PABPC4L: variants seen among roughly 807,000 people sequenced by gnomAD.
The protein encoded by PABPC4L is poly(A) binding protein cytoplasmic 4 like, also known as polyadenylate-binding protein 4-like.
For synonymous variants in PABPC4L, 169 were observed against 164.1 expected, an observed-to-expected ratio of 1.03 and a Z score of -0.23; for missense variants, 452 against 451.4, an observed-to-expected ratio of 1.00 and a Z score of -0.01.
the PABPC4L span, among the ~76,000 whole-genome samples, chr4:134,032,294 T>C: frequency 3.3e-5 from 5 of 152,034 alleles, no homozygotes; most frequent in Admixed American, 6.6e-5. Flanking sequence ...AATTTAGTTA[T>C]AGTATACATT....
the PABPC4L span, among the ~76,000 whole-genome samples, chr4:134,173,696 TAA>T: frequency 2.0e-5 from 3 of 152,016 alleles, no homozygotes; most frequent in Admixed American, 6.6e-5. Context: ...TCAAAAAAAC[TAA>T]AAGAGTGAAA....
At chr4:134,137,940 A>G in the PABPC4L span, among the ~76,000 whole-genome samples, 2 of 151,806 alleles carry the variant, frequency 1.3e-5, no homozygotes, top group Admixed American at 6.6e-5. Flanking sequence ...TTAACAAGGG[A>G]CAGAACTGGG....
the PABPC4L span, among the ~76,000 whole-genome samples, chr4:134,181,269 C>A: frequency 6.6e-6 from 1 of 151,920 alleles, no homozygotes; most frequent in Non-Finnish European, 1.5e-5. Flanking sequence ...AAAGCAAAAA[C>A]CACATAACCA....
At chr4:134,194,557 C>T (rs756377793), downstream of PABPC4L, among the ~76,000 whole-genome samples, 1 of 151,820 alleles carries the variant, frequency 6.6e-6, no homozygotes, top group African/African-American at 2.4e-5. Flanking sequence ...ACCAATAAAA[C>T]TTACACTGAG....
chr4:133,993,215 T>A, the PABPC4L span, among the ~76,000 whole-genome samples: 2 of 152,102 alleles, frequency 1.3e-5, no homozygotes, highest in South Asian at 4.2e-4. Context: ...TGTTGCAGGG[T>A]CCTTACTCAT....
the PABPC4L span, among the ~76,000 whole-genome samples, chr4:133,976,132 G>C: frequency 2.0e-5 from 3 of 152,022 alleles, no homozygotes; most frequent in African/African-American, 7.2e-5. Context: ...ACAGAGCCCA[G>C]TTTGTGTTGT....
the PABPC4L span, among the ~76,000 whole-genome samples, chr4:133,973,145 G>A: frequency 6.6e-6 from 1 of 152,040 alleles, no homozygotes; most frequent in East Asian, 1.9e-4. Context: ...AGTTGATAGA[G>A]GTTGATGCCA....
At chr4:133,955,898 CTA>C in the PABPC4L span, among the ~76,000 whole-genome samples, 5 of 152,100 alleles carry the variant, frequency 3.3e-5, no homozygotes, top group Admixed American at 6.6e-5. Flanking sequence ...CCTGTTGTCT[CTA>C]TGTTTTCATT....
the PABPC4L span, among the ~76,000 whole-genome samples, chr4:134,132,612 G>A: frequency 6.6e-6 from 1 of 151,826 alleles, no homozygotes; most frequent in Non-Finnish European, 1.5e-5. Flanking sequence ...CCCTACTGGT[G>A]GGAATGTAAA....
rs1217967434 is a variant in PABPC4L at position 134,200,737 on chromosome 4, A to C, written c.283T>G (p.Ser95Ala). The C allele has an allele frequency of 1.3e-6, 2 of 1,551,576 alleles. No individual in the cohort carries two copies. The highest frequency in any genetic ancestry group is 1.7e-6 in the Non-Finnish European group (2 of 1,146,984). The stretch of plus-strand genomic sequence containing the variant: ...TTGATGAATACGTTCCCAATTCCAG[A>C]TCTCCTCAAGTAGGCATCGCGCTGA... The part of the protein sequence containing the change: ...WSQRDAYLRR[S>A]GIGNVFIKNL... Residue 95 changes from serine to alanine, a missense_variant, in exon 2 of 2, where the codon TCT becomes GCT. Physicochemically the swap from Ser to Ala is moderately conservative, Grantham distance 99 (BLOSUM62 1). Coordinates refer to ENST00000421491, the MANE Select transcript of PABPC4L (RefSeq NM_001114734.2).
chr4:134,042,713 G>C, the PABPC4L span, among the ~76,000 whole-genome samples: 4 of 152,016 alleles, frequency 2.6e-5, no homozygotes, highest in African/African-American at 7.2e-5. Flanking sequence ...AATAAGTTTT[G>C]TTTGATTCTG....
chr4:134,124,593 T>A, the PABPC4L span, among the ~76,000 whole-genome samples: 1 of 152,098 alleles, frequency 6.6e-6, no homozygotes, highest in East Asian at 1.9e-4. Flanking sequence ...ATATTTTGAC[T>A]TCAGTGGTAC....
At chr4:133,967,760 A>G in the PABPC4L span, among the ~76,000 whole-genome samples, 1 of 152,248 alleles carries the variant, frequency 6.6e-6, no homozygotes, top group Non-Finnish European at 1.5e-5. Context: ...GCAGAACTAT[A>G]AGAATGTAGG....
At chr4:134,053,447 T>C in the PABPC4L span, among the ~76,000 whole-genome samples, 11 of 152,114 alleles carry the variant, frequency 7.2e-5, no homozygotes, top group African/African-American at 2.6e-4. Context: ...GCAAGGCAGG[T>C]AAAATCAACA....
chr4:134,098,264 A>G, the PABPC4L span, among the ~76,000 whole-genome samples: 2 of 151,760 alleles, frequency 1.3e-5, no homozygotes, highest in Non-Finnish European at 2.9e-5. Context: ...AATATTTATT[A>G]CACAAATTTA....
At chr4:134,196,311 TA>T (rs1729654597), downstream of PABPC4L, 1 of 151,622 alleles carries the variant, frequency 6.6e-6, no homozygotes, top group South Asian at 2.1e-4. Context: ...TTATAATAAA[TA>T]AAAATCATTT....
At chr4:134,038,228 A>C in the PABPC4L span, among the ~76,000 whole-genome samples, 1 of 152,112 alleles carries the variant, frequency 6.6e-6, no homozygotes, top group South Asian at 2.1e-4. Flanking sequence ...GTGTGCCAGT[A>C]TTTTGTCTAA....
the PABPC4L span, among the ~76,000 whole-genome samples, chr4:133,972,815 G>A: frequency 6.6e-6 from 1 of 152,166 alleles, no homozygotes; most frequent in Non-Finnish European, 1.5e-5. Flanking sequence ...CTGGGGTAAA[G>A]GGCCCTAGCA....
chr4:134,151,397 A>G, the PABPC4L span, among the ~76,000 whole-genome samples: 1 of 152,046 alleles, frequency 6.6e-6, no homozygotes, highest in African/African-American at 2.4e-5. Flanking sequence ...GCTTTACTAA[A>G]TTTTTGTTGG....
Sources: gnomAD v4.1 joint callset for allele counts (sites outside exome capture counted in the v4.1 genomes callset) on GRCh38, gnomAD v4.1.1 for gene constraint, MANE v1.5 for transcripts, NCBI Gene and HGNC (gene_info 2026-07-23, HGNC 2026-07-21) for gene names.